The following IL10RB variants were observed in gnomAD, a reference collection of about 807,000 sequenced individuals.
IL10RB encodes interleukin 10 receptor subunit beta.
In IL10RB, 30 loss-of-function variants were observed where a neutral mutation model predicts 38.7. The observed-to-expected ratio is 0.78, with a 90% CI of 0.58 to 1.05. The LOEUF (loss-of-function observed/expected upper bound fraction) is 1.05, where lower values mean the gene tolerates loss of function less well. Among genes scored for constraint, IL10RB ranks in the 50% least tolerant of loss-of-function variants. The probability of loss-of-function intolerance (pLI) is 0.00; values close to 1 mark genes in which losing one functional copy is unlikely to be tolerated. For synonymous variants in IL10RB, 142 were observed against 145.9 expected, an observed-to-expected ratio of 0.97 and a Z score of 0.19; for missense variants, 328 against 397.1, an observed-to-expected ratio of 0.83 and a Z score of 1.48.
chr21:33,296,656 G>T lies in IL10RB; in HGVS notation c.*299G>T. ...ACTAAAATAAGATCATGTTTTAATTGTGAGAAACAGGGCCGAGCACAGTGG... is the reference window on the plus strand; with the variant it reads ...ACTAAAATAAGATCATGTTTTAATTTTGAGAAACAGGGCCGAGCACAGTGG... On this transcript the variant is annotated 3_prime_UTR_variant, in exon 7 of 7. Transcript: ENST00000290200. 1 of 501,980 alleles carries T rather than the reference G, an allele frequency of 2.0e-6. No individual in the cohort carries two copies. Among genetic ancestry groups the T allele is most frequent in the Non-Finnish European group, 3.8e-6 (1 of 261,046 alleles). The allele number at this position is 501,980 out of a possible 1,614,324, so 31.1% of individuals were successfully genotyped here.
At chr21:33,270,384 CT>C (rs796190557) in intron 2 of IL10RB, among the ~76,000 whole-genome samples, 196 of 142,496 alleles carry the variant, frequency 1.4e-3, no homozygotes, top group Admixed American at 1.5e-3. Context: ...GTTTGTTTTT[CT>C]TTTTTTTTTT....
intron 2 of IL10RB, among the ~76,000 whole-genome samples, chr21:33,272,291 G>T (rs1308857085): frequency 2.0e-5 from 3 of 152,126 alleles, no homozygotes; most frequent in Non-Finnish European, 2.9e-5. Flanking sequence ...CCTGACCCCT[G>T]TGTACTTAAT....
At position 33,268,533 on chromosome 21, in the gene IL10RB, C is replaced by G; in HGVS notation, c.173+16C>G. On this transcript the variant is annotated intron_variant, in intron 2 of 6. Transcript: ENST00000290200. ...AGTACCTAAGGTGGGTCTGGCCTCA[C>G]TATTGGCAGGAACGCACCGGAGGAG... is the stretch of plus-strand genomic sequence containing the variant. 1 of 1,588,740 alleles carries G rather than the reference C, an allele frequency of 6.3e-7. No individual in the cohort carries two copies. The highest frequency in any genetic ancestry group is 1.1e-5 in the South Asian group (1 of 90,496).
chr21:33,296,466 C>A lies in IL10RB; in HGVS notation c.*109C>A. 1 of 1,066,816 alleles carries A rather than the reference C, an allele frequency of 9.4e-7. No individual in the cohort carries two copies. The highest frequency in any genetic ancestry group is 1.4e-6 in the Non-Finnish European group (1 of 712,502). The allele number at this position is 1,066,816 out of a possible 1,614,324, so 66.1% of individuals were successfully genotyped here. Reference sequence around the variant, plus strand: ...CAAGGGCCAAGACCATCTGAGCCAGCCCCACATCTAGAACTCCCAGACCCT... The same window carrying A: ...CAAGGGCCAAGACCATCTGAGCCAGACCCACATCTAGAACTCCCAGACCCT... On this transcript the variant is annotated 3_prime_UTR_variant, in exon 7 of 7. Coordinates refer to ENST00000290200, the MANE Select transcript of IL10RB (RefSeq NM_000628.5).
chr21:33,278,698 G>C (rs982366916), intron 3 of IL10RB, among the ~76,000 whole-genome samples: 9 of 152,214 alleles, frequency 5.9e-5, no homozygotes, highest in Non-Finnish European at 1.2e-4. Flanking sequence ...CCCAATATTG[G>C]AGATTTGCCT....
Position 33,279,763 on chromosome 21 carries a change from C to A in IL10RB, c.343C>A (p.Pro115Thr), listed in dbSNP as rs926873545. The A allele has an allele frequency of 6.8e-6, 11 of 1,613,316 alleles. No homozygotes were observed. The highest frequency in any genetic ancestry group is 9.3e-6 in the Non-Finnish European group (11 of 1,179,438). Residue 115 changes from proline to threonine, a missense_variant, in exon 4 of 7, where the codon CCC becomes ACC. Physicochemically the swap from Pro to Thr is conservative, Grantham distance 38 (BLOSUM62 -1). Transcript: ENST00000290200. ...FCPVDDTIIG[P>T]PGMQVEVLAD... The stretch of plus-strand genomic sequence containing the variant: ...GTTCTTCTGCTTAGCCATTATTGGA[C>A]CCCCTGGAATGCAAGTAGAAGTACT...
chr21:33,309,429 C>T (rs2083006683), exon 2 of IL10RB: 1 of 152,220 alleles, frequency 6.6e-6, no homozygotes, highest in African/African-American at 2.4e-5. Flanking sequence ...TTATGACCAA[C>T]ACTCACAATT....
intron 1 of IL10RB, among the ~76,000 whole-genome samples, chr21:33,304,633 T>A (rs1288287739): frequency 6.6e-6 from 1 of 152,182 alleles, no homozygotes; most frequent in Non-Finnish European, 1.5e-5. Context: ...ATGCGCACTC[T>A]CCTGGGGATT....
downstream of IL10RB, among the ~76,000 whole-genome samples, chr21:33,297,969 A>G (rs571392962): frequency 6.6e-6 from 1 of 152,358 alleles, no homozygotes; most frequent in East Asian, 1.9e-4. Flanking sequence ...ACTGCAGGGC[A>G]GACCAACAGG....
chr21:33,299,788 G>C (rs539039538), downstream of IL10RB, among the ~76,000 whole-genome samples: 1 of 152,366 alleles, frequency 6.6e-6, no homozygotes, highest in South Asian at 2.1e-4. Context: ...TGCAGTCAAG[G>C]TGGAGAACAG....
Position 33,268,401 on chromosome 21 carries a change from A to C in IL10RB, c.57A>C (p.Gly19=). 6.2e-7 allele frequency: 1 copy of C among 1,613,990 alleles called. No homozygotes were observed. Residue 19 remains glycine (G), a synonymous_variant, in exon 2 of 7, where the codon GGA becomes GGC. Transcript: ENST00000290200. The part of the protein sequence containing the change: ...LGGCLLVSAL[G]MVPPPENVRM... Reference sequence around the variant, plus strand: ...TTTGTCTTATTTTCATAGCATTGGGAATGGTACCACCTCCCGAAAATGTCA... The same window carrying C: ...TTTGTCTTATTTTCATAGCATTGGGCATGGTACCACCTCCCGAAAATGTCA...
intron 6 of IL10RB, among the ~76,000 whole-genome samples, chr21:33,295,140 C>T (rs1019373204): frequency 2.6e-5 from 4 of 151,610 alleles, no homozygotes; most frequent in African/African-American, 4.9e-5. Context: ...CCAAGGTGGG[C>T]AGATCACGAG....
chr21:33,297,815 CA>C (rs61628149), downstream of IL10RB, among the ~76,000 whole-genome samples: 11,309 of 134,754 alleles, frequency 0.084, 1,386 homozygotes, highest in African/African-American at 0.28. Flanking sequence ...GAGACCCTGT[CA>C]AAAAAAAAGA....
rs202019714 is a variant in IL10RB, at chr21:33,276,679, C to A, written c.257C>A (p.Thr86Asn). 1.9e-6 allele frequency: 3 copies of A among 1,612,928 alleles called. No homozygotes were observed. Among genetic ancestry groups the A allele is most frequent in the Non-Finnish European group, 2.5e-6 (3 of 1,179,002 alleles). The change falls in exon 3 of 7, where the codon ACC becomes AAC. Residue 86 changes from threonine to asparagine, a missense_variant. Transcript: ENST00000290200. ...AGTCTTTCCAAGTATGGTGACCACA[C>A]CTTGAGAGTCAGGGCTGAATTTGCA... ...FSSLSKYGDH[T>N]LRVRAEFADE...
intron 2 of IL10RB, among the ~76,000 whole-genome samples, chr21:33,272,356 G>A (rs1989097143): frequency 1.3e-5 from 2 of 152,144 alleles, no homozygotes; most frequent in Admixed American, 1.3e-4. Flanking sequence ...ACTTCTGGGA[G>A]CAACCAAATT....
chr21:33,291,955 C>T (rs1434744847), intron 6 of IL10RB, among the ~76,000 whole-genome samples: 1 of 152,198 alleles, frequency 6.6e-6, no homozygotes, highest in East Asian at 1.9e-4. Context: ...TTCATGAGCC[C>T]TGTGCCATGT....
Position 33,293,392 on chromosome 21 carries a change from G to A in IL10RB, c.805-2792G>A, listed in dbSNP as rs376661839. Among the ~76,000 whole-genome samples the A allele has an allele frequency of 5.9e-5, 9 of 152,330 alleles. No homozygotes were observed. In the South Asian group the frequency reaches 1.4e-3, roughly 25 times the overall value. On this transcript the variant is annotated intron_variant, in intron 6 of 6. Coordinates refer to ENST00000290200, the MANE Select transcript of IL10RB (RefSeq NM_000628.5). ...TCAGCTGTGAGCCATTTCAGCCTCC[G>A]ATATTCCTGGAGGCTGGGGGAACAA... is the stretch of plus-strand genomic sequence containing the variant.
intron 3 of IL10RB, among the ~76,000 whole-genome samples, chr21:33,278,863 G>GA (rs994412175): frequency 2.6e-5 from 4 of 152,178 alleles, no homozygotes; most frequent in Non-Finnish European, 5.9e-5. Context: ...TAACAGCCCT[G>GA]AAAAAGTAAC....
intron 5 of IL10RB, 39 bp from the exon 6 acceptor site, chr21:33,288,065 C>G: frequency 6.2e-7 from 1 of 1,604,936 alleles, no homozygotes; most frequent in Non-Finnish European, 8.5e-7. Flanking sequence ...TGTGACCCGA[C>G]CTGTGACAAG....
Sources: gnomAD v4.1 joint callset for allele counts (sites outside exome capture counted in the v4.1 genomes callset) on GRCh38, gnomAD v4.1.1 for gene constraint, MANE v1.5 for transcripts, NCBI Gene and HGNC (gene_info 2026-07-23, HGNC 2026-07-21) for gene names.